The following PARP8 variants were observed in gnomAD, a reference collection of about 807,000 sequenced individuals.
The protein encoded by PARP8 is protein mono-ADP-ribosyltransferase PARP8.
Under a neutral mutation model 124.1 loss-of-function variants are expected in PARP8, and 51 were observed. The observed-to-expected ratio is 0.41, with a 90% CI of 0.33 to 0.52. PARP8 has a LOEUF of 0.52. PARP8 is among the 20% of genes least tolerant of loss of function. The pLI, the probability that PARP8 is intolerant of heterozygous loss-of-function variation, is 0.21. For missense variants in PARP8, 860 were observed against 1,018.9 expected (o/e 0.84, Z 2.12); for synonymous variants, 391 against 361.5 (o/e 1.08, Z -0.93).
intron 2 of PARP8, among the ~76,000 whole-genome samples, chr5:50,739,973 A>G (rs1326536738): frequency 1.3e-5 from 2 of 151,126 alleles, no homozygotes; most frequent in East Asian, 3.9e-4. Context: ...CTGGTCTTGA[A>G]CTCCTGACCT....
chr5:50,811,945 TC>T (rs1282024743), intron 14 of PARP8, among the ~76,000 whole-genome samples: 1 of 152,228 alleles, frequency 6.6e-6, no homozygotes, highest in Non-Finnish European at 1.5e-5. Flanking sequence ...TGCATAGTAT[TC>T]CATGGTGTAT....
intron 2 of PARP8, among the ~76,000 whole-genome samples, chr5:50,687,826 C>T (rs760163369): frequency 1.5e-4 from 23 of 152,170 alleles, no homozygotes; most frequent in Non-Finnish European, 3.4e-4. Flanking sequence ...GATTCAATTA[C>T]CTCCCACAGG....
chr5:50,753,373 T>A (rs1014055331), intron 3 of PARP8, among the ~76,000 whole-genome samples: 4 of 152,126 alleles, frequency 2.6e-5, no homozygotes, highest in African/African-American at 9.7e-5. Flanking sequence ...GCATTAGGTA[T>A]AGCCTGTGAA....
rs181898165 is a variant in PARP8 at position 50,786,712 on chromosome 5, A to G, written c.671-1811A>G. Reference sequence around the variant, plus strand: ...TGTGTCTAGATAGCAGCACTCTGGAATCTTCCATCCGCTTGGCCATTCCTC... The same window carrying G: ...TGTGTCTAGATAGCAGCACTCTGGAGTCTTCCATCCGCTTGGCCATTCCTC... On this transcript the variant is annotated intron_variant, in intron 9 of 25. Coordinates refer to ENST00000281631, the MANE Select transcript of PARP8 (RefSeq NM_024615.4). Among the ~76,000 whole-genome samples, 6 of 152,078 alleles carry G rather than the reference A, an allele frequency of 3.9e-5. No homozygotes were observed. The East Asian group carries it at 1.2e-3, about 30-fold the overall frequency.
Position 50,815,526 on chromosome 5 carries a change from TAGTAACACAGGA to T in PARP8, c.1668+3_1668+14del. 1 of 1,580,906 alleles carries T rather than the reference TAGTAACACAGGA, an allele frequency of 6.3e-7. No individual in the cohort carries two copies. The highest frequency in any genetic ancestry group is 8.6e-7 in the Non-Finnish European group (1 of 1,165,064). The stretch of plus-strand genomic sequence containing the variant: ...GATGAAATAGCAACTGGAGCTCAGG[TAGTAACACAGGA>T]TACTAATTATTTCTTATTTTGCTTT... On this transcript the variant is annotated splice_donor_5th_base_variant and intron_variant, in intron 15 of 25. Transcript: ENST00000281631.
At chr5:50,827,628 A>G (rs1746494191) in intron 19 of PARP8, among the ~76,000 whole-genome samples, 2 of 152,196 alleles carry the variant, frequency 1.3e-5, no homozygotes, top group African/African-American at 4.8e-5. Flanking sequence ...AAGAAATGTA[A>G]TTAAGAAGGC....
At chr5:50,687,644 G>A (rs57674462) in intron 2 of PARP8, among the ~76,000 whole-genome samples, 2,249 of 152,306 alleles carry the variant, frequency 0.015, 59 homozygotes, top group African/African-American at 0.052. Flanking sequence ...GTTTCACGTG[G>A]CTAGGGAAGC....
intron 14 of PARP8, among the ~76,000 whole-genome samples, chr5:50,815,083 A>T (rs960192230): frequency 6.6e-6 from 1 of 152,086 alleles, no homozygotes. Context: ...TTATATCACC[A>T]GCTTAGGTAT....
At chr5:50,839,284 T>G (rs1286401765) in intron 25 of PARP8, among the ~76,000 whole-genome samples, 1 of 152,046 alleles carries the variant, frequency 6.6e-6, no homozygotes, top group African/African-American at 2.4e-5. Flanking sequence ...CATTTTTCAT[T>G]CTACCAAAAC....
At position 50,666,765 on chromosome 5, in the gene PARP8, GC is replaced by G; in HGVS notation, c.-329del. 2 of 785,822 alleles carry G rather than the reference GC, an allele frequency of 2.5e-6. No homozygotes were observed. The highest frequency in any genetic ancestry group is 5.4e-5 in the South Asian group (2 of 36,720). 48.7% of individuals were successfully genotyped at this position (785,822 alleles called of 1,614,324 possible). ...TGTCCCCGGCACCTCGGCCCCCACG[GC>G]CGTTGGTCCGGGCGGGTGAGGGAGA... is the stretch of plus-strand genomic sequence containing the variant. On this transcript the variant is annotated 5_prime_UTR_variant, in exon 1 of 26. Coordinates refer to ENST00000281631, the MANE Select transcript of PARP8 (RefSeq NM_024615.4).
intron 23 of PARP8, 57 bp from the exon 24 acceptor site, chr5:50,833,922 C>CT: frequency 2.1e-6 from 3 of 1,452,434 alleles, no homozygotes; most frequent in East Asian, 2.3e-5. Context: ...TGATGAACAG[C>CT]TTTTTTCACA....
At chr5:50,826,265 C>T (rs898500343) in intron 18 of PARP8, among the ~76,000 whole-genome samples, 2 of 151,698 alleles carry the variant, frequency 1.3e-5, no homozygotes, top group Non-Finnish European at 2.9e-5. Flanking sequence ...GCAGAGTCTA[C>T]GTATGTTGGA....
chr5:50,690,590 T>C (rs1488886754), intron 2 of PARP8, among the ~76,000 whole-genome samples: 1 of 152,186 alleles, frequency 6.6e-6, no homozygotes, highest in East Asian at 1.9e-4. Flanking sequence ...CTGTGTTCCA[T>C]CATTTGCCAA....
chr5:50,826,862 T>C (rs1746414366), intron 19 of PARP8, 59 bp downstream of exon 19: 4 of 1,553,864 alleles, frequency 2.6e-6, no homozygotes, highest in African/African-American at 1.4e-5. Flanking sequence ...TACTTATCAG[T>C]TGGGAGAACC....
At chr5:50,799,164 GC>G (rs1309257895) in intron 14 of PARP8, among the ~76,000 whole-genome samples, 2 of 152,124 alleles carry the variant, frequency 1.3e-5, no homozygotes, top group Non-Finnish European at 2.9e-5. Flanking sequence ...GTCACACAGT[GC>G]ACTTATGTTT....
Position 50,795,137 on chromosome 5 carries a change from G to A in PARP8, c.1148G>A (p.Arg383Lys), listed in dbSNP as rs1196970467. Residue 383 changes from arginine (R) to lysine (K), a missense_variant, in exon 12 of 26, where the codon AGA (arginine) becomes AAA (lysine). By Grantham distance (26) the Arg-to-Lys change is conservative. Around this residue, in one of 2 missense-constraint regions of PARP8, gnomAD observed 517 missense variants for 544.2 expected, o/e 0.95. Transcript: ENST00000281631. ...SEECLTLKSH[R>K]LLTRSCSGDP... ...GAATGCCTAACTCTAAAGTCGCATA[G>A]ACTATTGACTCGATCTTGTTCTGGA... 2.9e-5 allele frequency: 47 copies of A among 1,614,074 alleles called. No homozygotes were observed. The highest frequency in any genetic ancestry group is 3.8e-5 in the Non-Finnish European group (45 of 1,180,040).
intron 2 of PARP8, among the ~76,000 whole-genome samples, chr5:50,710,400 T>C (rs1561275331): frequency 6.6e-6 from 1 of 152,166 alleles, no homozygotes; most frequent in Non-Finnish European, 1.5e-5. Flanking sequence ...GTGGTTGCTT[T>C]TGCCTTAGAA....
intron 2 of PARP8, among the ~76,000 whole-genome samples, chr5:50,708,899 A>G (rs1224009630): frequency 6.6e-6 from 1 of 151,946 alleles, no homozygotes; most frequent in African/African-American, 2.4e-5. Flanking sequence ...CTCCTGCTTC[A>G]GCCTCCCAAG....
At chr5:50,709,613 T>C (rs995721611) in intron 2 of PARP8, among the ~76,000 whole-genome samples, 82 of 152,020 alleles carry the variant, frequency 5.4e-4, no homozygotes, top group African/African-American at 1.8e-3. Flanking sequence ...GTAAGCACCA[T>C]GGTAGGAGAT....
Sources: gnomAD v4.1 joint callset for allele counts (sites outside exome capture counted in the v4.1 genomes callset) on GRCh38, gnomAD v4.1.1 for gene constraint, gnomAD v4.1.1 regional missense constraint, MANE v1.5 for transcripts, NCBI Gene and HGNC (gene_info 2026-07-23, HGNC 2026-07-21) for gene names.